FAM120C: variants seen among roughly 807,000 people sequenced by gnomAD.
FAM120C encodes the protein constitutive coactivator of PPAR-gamma-like protein 2.
Under a neutral mutation model 71.2 loss-of-function variants are expected in FAM120C, and 14 were observed. The ratio of observed to expected loss-of-function variants is 0.20; its 90% confidence interval spans 0.13 to 0.31. The LOEUF (loss-of-function observed/expected upper bound fraction) is 0.31. FAM120C is among the 10% of genes least tolerant of loss of function. The pLI is 1.00. For missense variants in FAM120C, 500 were observed against 879.0 expected, an observed-to-expected ratio of 0.57 and a Z score of 5.45; for synonymous variants, 354 against 353.2, an observed-to-expected ratio of 1.00 and a Z score of -0.03.
intron 1 of FAM120C, among the ~76,000 whole-genome samples, chrX:54,177,600 A>AT (rs1201618971): frequency 9.0e-6 from 1 of 111,520 alleles, no homozygotes; most frequent in Non-Finnish European, 1.9e-5. Context: ...CATTTTGGGT[A>AT]TTTTTTAGTT....
intron 3 of FAM120C, among the ~76,000 whole-genome samples, chrX:54,156,810 C>T (rs1205134927): frequency 7.7e-5 from 8 of 103,833 alleles, no homozygotes; most frequent in African/African-American, 2.8e-4. Flanking sequence ...TTGCCTGAAC[C>T]TGGGAGGTGG....
At chrX:54,148,256 G>A (rs1246791724) in intron 4 of FAM120C, among the ~76,000 whole-genome samples, 7 of 110,464 alleles carry the variant, frequency 6.3e-5, no homozygotes, top group African/African-American at 2.0e-4. Flanking sequence ...AAACACCACA[G>A]TAAGTAAATG....
At chrX:54,136,636 G>GC in intron 4 of FAM120C, 46 bp from the exon 5 acceptor site, 1 of 884,459 alleles carries the variant, frequency 1.1e-6, no homozygotes, top group Non-Finnish European at 1.6e-6. Context: ...ACATGAGAGT[G>GC]TTTTTTTAAT....
intron 1 of FAM120C, among the ~76,000 whole-genome samples, chrX:54,168,880 TCTC>T (rs1416915588): frequency 1.8e-5 from 2 of 112,213 alleles, no homozygotes; most frequent in African/African-American, 6.5e-5. Flanking sequence ...TCCCCCTCCC[TCTC>T]TTTTATTTAA....
rs1557121907 is a variant in FAM120C, at chrX:54,085,828, G to A, written c.2726C>T (p.Pro909Leu). 9.9e-6 allele frequency: 12 copies of A among 1,211,362 alleles called. No individual in the cohort carries two copies. Among genetic ancestry groups the A allele is most frequent in the South Asian group, 7.0e-5 (4 of 57,000 alleles). The change falls in exon 13 of 16, where the codon CCG (proline) becomes CTG (leucine). Residue 909 changes from proline (P) to leucine (L), a missense_variant. Pro to Leu is a moderately conservative substitution (Grantham distance 98, BLOSUM62 -3). Around this residue, in one of 11 missense-constraint regions of FAM120C, gnomAD observed 34 missense variants for 45.2 expected, o/e 0.75. Coordinates refer to ENST00000375180, the MANE Select transcript of FAM120C (RefSeq NM_017848.6). The part of the protein sequence containing the change: ...MNHPPPSALL[P>L]SPTFVPPMVP... ...CATGGGAGGCACAAAAGTAGGTGAC[G>A]GAAGTAGAGCAGAAGGCGGTGGATG...
intron 10 of FAM120C, among the ~76,000 whole-genome samples, chrX:54,108,120 C>G (rs2066916346): frequency 1.0e-5 from 1 of 97,329 alleles, no homozygotes; most frequent in Non-Finnish European, 1.9e-5. Context: ...TTGACTTCCC[C>G]TTTGCACAAA....
intron 9 of FAM120C, among the ~76,000 whole-genome samples, chrX:54,129,912 C>G (rs373967775): frequency 9.1e-6 from 1 of 109,305 alleles, no homozygotes; most frequent in African/African-American, 3.3e-5. Flanking sequence ...CGCAGGCACT[C>G]GGCAGGCTGA....
Position 54,158,537 on chromosome X carries a change from G to C in FAM120C, c.947-766C>G, listed in dbSNP as rs782493700. Among the ~76,000 whole-genome samples the C allele has an allele frequency of 2.7e-5, 3 of 112,144 alleles. No individual in the cohort carries two copies. In the East Asian group the frequency reaches 8.4e-4, roughly 31 times the overall value. On this transcript the variant is annotated intron_variant, in intron 2 of 15. Coordinates refer to ENST00000375180, the MANE Select transcript of FAM120C (RefSeq NM_017848.6). ...TAATCCCAGCACTTTGGGAGGCCGA[G>C]GCGGGTGGATTGCTTGAGGTCAGGA...
intron 15 of FAM120C, among the ~76,000 whole-genome samples, chrX:54,077,504 A>T (rs2066741356): frequency 9.1e-6 from 1 of 110,025 alleles, no homozygotes; most frequent in Non-Finnish European, 1.9e-5. Context: ...ACATGGCAAA[A>T]CCCCATCTCT....
intron 4 of FAM120C, among the ~76,000 whole-genome samples, chrX:54,140,939 C>CAAAA (rs781968438): frequency 5.1e-5 from 2 of 39,089 alleles, no homozygotes. Context: ...GACTCCGTCT[C>CAAAA]AAAAAAAAAA....
Position 54,068,836 on chromosome X carries a change from GAATA to G in FAM120C, c.*4193_*4196del, listed in dbSNP as rs1557119827. The G allele has an allele frequency of 9.6e-6, 1 of 104,387 alleles. No individual in the cohort carries two copies. Among genetic ancestry groups the G allele is most frequent in the Non-Finnish European group, 2.0e-5 (1 of 50,663 alleles). The allele number at this position is 104,387 out of a possible 1,213,427, so 8.6% of individuals were successfully genotyped here. A position where few individuals can be genotyped will look rare whatever the true frequency, so the allele number is the denominator to read the frequency against. On this transcript the variant is annotated 3_prime_UTR_variant, in exon 16 of 16. Coordinates refer to ENST00000375180, the MANE Select transcript of FAM120C (RefSeq NM_017848.6). ...GAATAGAATAGAATAGAATAGAATA[GAATA>G]GAATAGAAGGTAGGAGGGGAAGTGC...
chrX:54,095,255 C>T (rs2066844732), intron 10 of FAM120C, among the ~76,000 whole-genome samples: 1 of 110,799 alleles, frequency 9.0e-6, no homozygotes, highest in South Asian at 3.8e-4. Flanking sequence ...AAAATCTGCT[C>T]CTATCCTATT....
intron 4 of FAM120C, among the ~76,000 whole-genome samples, chrX:54,144,930 A>T (rs1206374536): frequency 8.9e-6 from 1 of 111,987 alleles, no homozygotes; most frequent in African/African-American, 3.2e-5. Context: ...ACAAGGCTAC[A>T]GTAACCAAAA....
At chrX:54,163,492 A>G (rs1274768068) in intron 1 of FAM120C, among the ~76,000 whole-genome samples, 2 of 111,863 alleles carry the variant, frequency 1.8e-5, no homozygotes, top group African/African-American at 6.5e-5. Flanking sequence ...ATGGAAAAAT[A>G]AAATAGTAGT....
chrX:54,085,198 A>G (rs1396463717), intron 13 of FAM120C, among the ~76,000 whole-genome samples: 1 of 112,261 alleles, frequency 8.9e-6, no homozygotes, highest in Non-Finnish European at 1.9e-5. Context: ...TTGGTTGGTG[A>G]GAGTCAAATC....
At chrX:54,091,546 G>T in intron 10 of FAM120C, 120 bp from the exon 11 acceptor site, 1 of 436,932 alleles carries the variant, frequency 2.3e-6, no homozygotes, top group South Asian at 4.5e-5. Context: ...AATACTAACT[G>T]AATGAAGGAA....
At chrX:54,174,377 TAGA>T (rs1395493286) in intron 1 of FAM120C, among the ~76,000 whole-genome samples, 2 of 111,518 alleles carry the variant, frequency 1.8e-5, no homozygotes, top group Non-Finnish European at 3.8e-5. Context: ...GGAGCCACTG[TAGA>T]AGATGTCTAC....
At chrX:54,084,141 T>C (rs2066782115) in intron 13 of FAM120C, among the ~76,000 whole-genome samples, 1 of 112,027 alleles carries the variant, frequency 8.9e-6, no homozygotes. Flanking sequence ...GCATCACTGG[T>C]AGGTAGGGCA....
At position 54,135,088 on chromosome X, in the gene FAM120C, T is replaced by C. The variant is rs1306848978; in HGVS notation, c.1359A>G (p.Lys453=). The C allele has an allele frequency of 8.4e-7, 1 of 1,191,079 alleles. No individual in the cohort carries two copies. The highest frequency in any genetic ancestry group is 1.8e-5 in the African/African-American group (1 of 56,704). Residue 453 remains lysine, a synonymous_variant, in exon 7 of 16, where the codon AAA becomes AAG. Transcript: ENST00000375180. ...CTGGGAATGGTGGTGGATATTTCACTTTCTGGGGCACTTGATGAGAAAACT... is the reference window on the plus strand; with the variant it reads ...CTGGGAATGGTGGTGGATATTTCACCTTCTGGGGCACTTGATGAGAAAACT... ...KPMFSHQVPQ[K]VKYPPPFPVG...
Sources: gnomAD v4.1 joint callset for allele counts (sites outside exome capture counted in the v4.1 genomes callset) on GRCh38, gnomAD v4.1.1 for gene constraint, gnomAD v4.1.1 regional missense constraint, MANE v1.5 for transcripts, NCBI Gene and HGNC (gene_info 2026-07-23, HGNC 2026-07-21) for gene names.